Variants in MAP1LC3B observed in about 807,000 individuals in gnomAD.
MAP1LC3B encodes microtubule associated protein 1 light chain 3 beta.
MAP1LC3B carries 12 observed loss-of-function variants against 16.7 expected under a neutral mutation model. That is an observed-to-expected ratio of 0.72 (90% confidence interval 0.46 to 1.16). The LOEUF is 1.16. Among genes scored for constraint, MAP1LC3B ranks in the 50% most tolerant of loss-of-function variants. The pLI, the probability that MAP1LC3B is intolerant of heterozygous loss-of-function variation, is 0.00. For synonymous variants in MAP1LC3B, 63 were observed against 56.5 expected, an observed-to-expected ratio of 1.11 and a Z score of -0.51; for missense variants, 155 against 159.5, an observed-to-expected ratio of 0.97 and a Z score of 0.15.
chr16:87,393,544 G>A (rs1487790663), intron 1 of MAP1LC3B, among the ~76,000 whole-genome samples: 1 of 152,172 alleles, frequency 6.6e-6, no homozygotes, highest in African/African-American at 2.4e-5. Context: ...TCTTATGCCT[G>A]AGAAACTTAA....
intron 2 of MAP1LC3B, chr16:87,399,712 AAAAAC>A: frequency 5.1e-6 from 2 of 392,064 alleles, no homozygotes; most frequent in South Asian, 1.8e-5. Flanking sequence ...AAAACTAAAA[AAAAAC>A]AAAATATTTT....
Position 87,402,299 on chromosome 16 carries a change from T to C in MAP1LC3B, c.203+18T>C. ...ATAATTAGGTATTCAGTCACCTTTG[T>C]TTCATAATATATTTCCTTTGAGTAA... On this transcript the variant is annotated intron_variant, in intron 3 of 3. Transcript: ENST00000268607. The C allele has an allele frequency of 1.2e-6, 2 of 1,603,822 alleles. No homozygotes were observed. Among genetic ancestry groups the C allele is most frequent in the Non-Finnish European group, 1.7e-6 (2 of 1,171,754 alleles).
intron 2 of MAP1LC3B, 56 bp from the exon 3 acceptor site, chr16:87,402,119 G>A: frequency 6.3e-7 from 1 of 1,589,288 alleles, no homozygotes; most frequent in Non-Finnish European, 8.6e-7. Context: ...ACAGGTGTGA[G>A]CCACCGCGCC....
rs1192346527 is a variant in MAP1LC3B at position 87,392,424 on chromosome 16, C to T, written c.-4C>T. 2.1e-6 allele frequency: 3 copies of T among 1,422,826 alleles called. No homozygotes were observed. The highest frequency in any genetic ancestry group is 1.8e-6 in the Non-Finnish European group (2 of 1,097,730). 88.1% of individuals were successfully genotyped at this position (1,422,826 alleles called of 1,614,324 possible). The stretch of plus-strand genomic sequence containing the variant: ...GCCGCCGCCGCCGCCCAGATCCCTG[C>T]ACCATGCCGTCGGAGAAGACCTTCA... On this transcript the variant is annotated 5_prime_UTR_variant, in exon 1 of 4. Coordinates refer to ENST00000268607, the MANE Select transcript of MAP1LC3B (RefSeq NM_022818.5).
At position 87,404,609 on chromosome 16, in the gene MAP1LC3B, C is replaced by G. The variant is rs781628571; in HGVS notation, c.*1512C>G. ...TACATCATATCTGACATTATTGTAA[C>G]TACCGTGTGATCAGTAAGATTCCTG... On this transcript the variant is annotated 3_prime_UTR_variant, in exon 4 of 4. Transcript: ENST00000268607. The G allele has an allele frequency of 2.6e-5, 4 of 152,140 alleles. No individual in the cohort carries two copies. The highest frequency in any genetic ancestry group is 4.8e-5 in the African/African-American group (2 of 41,416). 9.4% of individuals were successfully genotyped at this position (152,140 alleles called of 1,614,324 possible). A position where few individuals can be genotyped will look rare whatever the true frequency, so the allele number is the denominator to read the frequency against.
At chr16:87,394,190 C>T (rs1907718932) in intron 1 of MAP1LC3B, among the ~76,000 whole-genome samples, 1 of 152,012 alleles carries the variant, frequency 6.6e-6, no homozygotes, top group Admixed American at 6.6e-5. Flanking sequence ...TGCCCCCTCC[C>T]CTTTAAATAT....
Position 87,404,067 on chromosome 16 carries a change from A to G in MAP1LC3B, c.*970A>G, listed in dbSNP as rs1286042905. 6.6e-6 allele frequency: 1 copy of G among 152,222 alleles called. No homozygotes were observed. The highest frequency in any genetic ancestry group is 2.4e-5 in the African/African-American group (1 of 41,466). 9.4% of individuals were successfully genotyped at this position (152,222 alleles called of 1,614,324 possible). A position where few individuals can be genotyped will look rare whatever the true frequency, so the allele number is the denominator to read the frequency against. On this transcript the variant is annotated 3_prime_UTR_variant, in exon 4 of 4. Coordinates refer to ENST00000268607, the MANE Select transcript of MAP1LC3B (RefSeq NM_022818.5). The stretch of plus-strand genomic sequence containing the variant: ...TTAAATGTGTAACTCAGTATTACTG[A>G]AAAGGTACCCACATTTTGAATAGTA...
At position 87,403,859 on chromosome 16, in the gene MAP1LC3B, G is replaced by A. The variant is rs1206961598; in HGVS notation, c.*762G>A. 1.1e-4 allele frequency: 16 copies of A among 152,076 alleles called. No homozygotes were observed. Among genetic ancestry groups the A allele is most frequent in the Admixed American group, 7.2e-4 (11 of 15,252 alleles). 9.4% of individuals were successfully genotyped at this position (152,076 alleles called of 1,614,324 possible). A position where few individuals can be genotyped will look rare whatever the true frequency, so the allele number is the denominator to read the frequency against. On this transcript the variant is annotated 3_prime_UTR_variant, in exon 4 of 4. Coordinates refer to ENST00000268607, the MANE Select transcript of MAP1LC3B (RefSeq NM_022818.5). ...AAAGAGTGGCATTTCTTCTGTTTCA[G>A]GTTTTGTCTGAGTTCAAACTAGTGC...
chr16:87,398,870 G>T lies in MAP1LC3B; in HGVS notation c.96G>T (p.Pro32=). 1.9e-6 allele frequency: 3 copies of T among 1,613,818 alleles called. No homozygotes were observed. Among genetic ancestry groups the T allele is most frequent in the Non-Finnish European group, 2.5e-6 (3 of 1,179,710 alleles). The change falls in exon 2 of 4, where the codon CCG becomes CCT. Residue 32 remains proline, a splice_region_variant and synonymous_variant. Coordinates refer to ENST00000268607, the MANE Select transcript of MAP1LC3B (RefSeq NM_022818.5). ...LIREQHPTKI[P]VIIERYKGEK... is the part of the protein sequence containing the mutation. ...GAGAGCAGCATCCAACCAAAATCCC[G>T]GTAGGTAGTCTCAGGCCTCGGTTTC...
intron 1 of MAP1LC3B, among the ~76,000 whole-genome samples, chr16:87,396,432 G>A (rs920978143): frequency 2.7e-5 from 4 of 149,810 alleles, no homozygotes; most frequent in African/African-American, 7.4e-5. Context: ...CAGAGATCGC[G>A]CCACTGCACT....
rs527945964 is a variant in MAP1LC3B, at chr16:87,392,349, C to T, written c.-79C>T. The T allele has an allele frequency of 4.7e-5, 63 of 1,335,024 alleles. No individual in the cohort carries two copies. The East Asian group carries it at 1.5e-3, about 32-fold the overall frequency. 82.7% of individuals were successfully genotyped at this position (1,335,024 alleles called of 1,614,324 possible). A position where few individuals can be genotyped will look rare whatever the true frequency, so the allele number is the denominator to read the frequency against. On this transcript the variant is annotated 5_prime_UTR_variant, in exon 1 of 4. Transcript: ENST00000268607. ...GTGGCTATCGCCAGAGTCGGATTCG[C>T]CGCCGCAGCAGCCGCCGCCCCCGGG...
At chr16:87,396,429 C>G (rs943871668) in intron 1 of MAP1LC3B, among the ~76,000 whole-genome samples, 2 of 150,902 alleles carry the variant, frequency 1.3e-5, no homozygotes, top group South Asian at 2.1e-4. Flanking sequence ...GAGCAGAGAT[C>G]GCGCCACTGC....
At chr16:87,402,453 GTTTC>G in intron 3 of MAP1LC3B, 172 bp downstream of exon 3, 1 of 685,464 alleles carries the variant, frequency 1.5e-6, no homozygotes, top group Non-Finnish European at 2.4e-6. Flanking sequence ...ACTATAAAAT[GTTTC>G]TTTTTTTGAG....
At position 87,398,879 on chromosome 16, in the gene MAP1LC3B, T is replaced by A. The variant is rs768229531; in HGVS notation, c.96+9T>A. 6 of 1,612,738 alleles carry A rather than the reference T, an allele frequency of 3.7e-6. No homozygotes were observed. In the African/African-American group the frequency reaches 8.0e-5, roughly 22 times the overall value. On this transcript the variant is annotated intron_variant, in intron 2 of 3. Coordinates refer to ENST00000268607, the MANE Select transcript of MAP1LC3B (RefSeq NM_022818.5). ...ATCCAACCAAAATCCCGGTAGGTAG[T>A]CTCAGGCCTCGGTTTCAGTCATGAA... is the stretch of plus-strand genomic sequence containing the variant.
In MAP1LC3B at chr16:87,392,412, C is replaced by G; in HGVS notation, c.-16C>G. 1 of 1,428,598 alleles carries G rather than the reference C, an allele frequency of 7.0e-7. No individual in the cohort carries two copies. The highest frequency in any genetic ancestry group is 9.1e-7 in the Non-Finnish European group (1 of 1,100,032). 88.5% of individuals were successfully genotyped at this position (1,428,598 alleles called of 1,614,324 possible). On this transcript the variant is annotated 5_prime_UTR_variant, in exon 1 of 4. Transcript: ENST00000268607. ...CCTCGCGTCGTCGCCGCCGCCGCCG[C>G]CCAGATCCCTGCACCATGCCGTCGG...
At chr16:87,393,392 A>G (rs933145992) in intron 1 of MAP1LC3B, 1 of 152,202 alleles carries the variant, frequency 6.6e-6, no homozygotes, top group Non-Finnish European at 1.5e-5. Context: ...TGGACTGCGA[A>G]TGCCTGCCGC....
intron 1 of MAP1LC3B, among the ~76,000 whole-genome samples, chr16:87,397,766 T>C (rs1231501817): frequency 1.3e-5 from 2 of 152,188 alleles, no homozygotes; most frequent in Non-Finnish European, 2.9e-5. Flanking sequence ...ACCGTGAGAA[T>C]CAATCCTACC....
chr16:87,395,454 G>A (rs187156383), intron 1 of MAP1LC3B, among the ~76,000 whole-genome samples: 3 of 152,358 alleles, frequency 2.0e-5, no homozygotes, highest in Admixed American at 2.0e-4. Context: ...TACAGCATTA[G>A]GAAACAGGGA....
At chr16:87,399,209 T>G (rs1453228317) in intron 2 of MAP1LC3B, 1 of 290,910 alleles carries the variant, frequency 3.4e-6, no homozygotes, top group African/African-American at 2.2e-5. Context: ...GGTCTTGCTA[T>G]GTTTAACAAC....
Sources: allele counts gnomAD v4.1 joint callset (sites outside exome capture counted in the v4.1 genomes callset), GRCh38; gene constraint gnomAD v4.1.1; transcripts MANE v1.5; gene names NCBI Gene and HGNC (gene_info 2026-07-23, HGNC 2026-07-21).